NECTIN2: variants seen among roughly 807,000 people sequenced by gnomAD.
The protein encoded by NECTIN2 is nectin-2.
NECTIN2 carries 23 observed loss-of-function variants against 56.9 expected under a neutral mutation model. The observed-to-expected ratio is 0.40, with a 90% CI of 0.29 to 0.57. NECTIN2 has a LOEUF of 0.57. Ranked by LOEUF, NECTIN2 falls within the 20% of genes least tolerant of loss-of-function variation. NECTIN2 has a pLI of 0.38. For missense variants in NECTIN2, 587 were observed against 718.3 expected, an observed-to-expected ratio of 0.82 and a Z score of 2.09; for synonymous variants, 302 against 313.8, an observed-to-expected ratio of 0.96 and a Z score of 0.40.
At chr19:44,854,200 A>C (rs1367388291) in intron 1 of NECTIN2, among the ~76,000 whole-genome samples, 1 of 151,902 alleles carries the variant, frequency 6.6e-6, no homozygotes, top group African/African-American at 2.4e-5. Flanking sequence ...CCACCTCCTG[A>C]GTTCAAGCGA....
In NECTIN2 at chr19:44,869,456, G is replaced by A. The variant is rs1969144632; in HGVS notation, c.479-2397G>A. ...AAATACAAAAAAATTAGCCGGGCGT[G>A]GTGGCGGGTGCCTGTAGTCCCAGCT... On this transcript the variant is annotated intron_variant, in intron 2 of 8. Coordinates refer to ENST00000252483, the MANE Select transcript of NECTIN2 (RefSeq NM_001042724.2). Among the ~76,000 whole-genome samples the A allele has an allele frequency of 2.0e-5, 3 of 151,922 alleles. No individual in the cohort carries two copies. The South Asian group carries it at 6.2e-4, about 32-fold the overall frequency.
In NECTIN2 at chr19:44,865,629, C is replaced by A. The variant is rs1467781481; in HGVS notation, c.447C>A (p.Ser149=). The change falls in exon 2 of 9, where the codon TCC becomes TCA. Residue 149 remains serine, a synonymous_variant. Transcript: ENST00000252483. This position sits in a 1 kb window ranked among gnomAD's most constrained non-coding sequence, Gnocchi z 5.2. ...AGTTTGCCACCTTCCCCAAGGGGTC[C>A]GTCCGAGGGATGACCTGGCTCAGAG... ...TCEFATFPKG[S]VRGMTWLRVI... 1 of 1,536,058 alleles carries A rather than the reference C, an allele frequency of 6.5e-7. No individual in the cohort carries two copies.
At chr19:44,869,368 G>A (rs377699235) in intron 2 of NECTIN2, among the ~76,000 whole-genome samples, 16 of 151,986 alleles carry the variant, frequency 1.1e-4, no homozygotes, top group African/African-American at 2.4e-4. Context: ...CGAGGCAGGC[G>A]GATCACGAGG....
intron 6 of NECTIN2, among the ~76,000 whole-genome samples, chr19:44,884,223 A>G (rs907562036): frequency 6.6e-6 from 1 of 152,146 alleles, no homozygotes; most frequent in African/African-American, 2.4e-5. Flanking sequence ...GTTCAGTGGT[A>G]TAATCTGAGC....
chr19:44,857,586 G>C (rs1968980336), intron 1 of NECTIN2, among the ~76,000 whole-genome samples: 1 of 152,070 alleles, frequency 6.6e-6, no homozygotes, highest in Non-Finnish European at 1.5e-5. Flanking sequence ...TTTTTTAGTA[G>C]AGATGGGATT....
At chr19:44,860,965 A>T (rs1238125530) in intron 1 of NECTIN2, among the ~76,000 whole-genome samples, 2 of 152,104 alleles carry the variant, frequency 1.3e-5, no homozygotes, top group Non-Finnish European at 2.9e-5. Flanking sequence ...TAAAAAAAAA[A>T]AAAACTACGT....
At chr19:44,877,720 C>A (rs537383195) in intron 5 of NECTIN2, among the ~76,000 whole-genome samples, 3 of 152,320 alleles carry the variant, frequency 2.0e-5, no homozygotes, top group African/African-American at 7.2e-5. Flanking sequence ...GAGGACCCCA[C>A]AGCACATTCA....
At chr19:44,847,125 G>C (rs890971523) in intron 1 of NECTIN2, among the ~76,000 whole-genome samples, 6 of 152,128 alleles carry the variant, frequency 3.9e-5, no homozygotes, top group Non-Finnish European at 7.4e-5. Flanking sequence ...AGAGAACTGA[G>C]GACAAGCGGA....
In NECTIN2 at chr19:44,862,466, TAA is replaced by T. The variant is rs60608124; in HGVS notation, c.89-2794_89-2793del. Among the ~76,000 whole-genome samples, 745 of 97,142 alleles carry T rather than the reference TAA, an allele frequency of 7.7e-3. 3 individuals are homozygous for T. Among genetic ancestry groups the T allele is most frequent in the African/African-American group, 0.024 (704 of 28,918 alleles). The allele number at this position is 97,142 out of a possible 152,430, so 63.7% of individuals were successfully genotyped here. ...AACCTGCACATGTATCCTGGAACAA[TAA>T]AAAAAAAAAAGAAAGAAAATGTGGT... On this transcript the variant is annotated intron_variant, in intron 1 of 8. Transcript: ENST00000252483.
At chr19:44,886,301 G>A in intron 8 of NECTIN2, 82 bp downstream of exon 8, 1 of 1,151,972 alleles carries the variant, frequency 8.7e-7, no homozygotes, top group South Asian at 1.3e-5. Flanking sequence ...AGAGGTCAAA[G>A]ACTAAAGGTC....
rs948313092 is a variant in NECTIN2, at chr19:44,860,753, T to C, written c.89-4518T>C. ...CTGGGTTCAAGTGAACACGTCCGGC[T>C]AATTTTTATATTTTTAGTAGAGACA... On this transcript the variant is annotated intron_variant, in intron 1 of 8. Coordinates refer to ENST00000252483, the MANE Select transcript of NECTIN2 (RefSeq NM_001042724.2). Among the ~76,000 whole-genome samples, 10 of 151,880 alleles carry C rather than the reference T, an allele frequency of 6.6e-5. 1 individual carries two copies. The highest frequency in any genetic ancestry group is 6.6e-4 in the Admixed American group (10 of 15,208).
Position 44,888,146 on chromosome 19 carries a change from G to A in NECTIN2, c.1384G>A (p.Glu462Lys), listed in dbSNP as rs1599930523. The A allele has an allele frequency of 6.2e-7, 1 of 1,613,678 alleles. No homozygotes were observed. Among genetic ancestry groups the A allele is most frequent in the African/African-American group, 1.3e-5 (1 of 75,026 alleles). The change falls in exon 9 of 9, where the codon GAA becomes AAA. Residue 462 changes from glutamate (E) to lysine (K), a missense_variant. Glu to Lys is a moderately conservative substitution (Grantham distance 56). Coordinates refer to ENST00000252483, the MANE Select transcript of NECTIN2 (RefSeq NM_001042724.2). Reference sequence around the variant, plus strand: ...ATACCATGAGCTGCCCACCTTGGAAGAACGGTCAGGACCCTTGCACCCTGG... The same window carrying A: ...ATACCATGAGCTGCCCACCTTGGAAAAACGGTCAGGACCCTTGCACCCTGG... ...PRYHELPTLE[E>K]RSGPLHPGAT...
At chr19:44,883,095 G>T (rs963944520) in intron 6 of NECTIN2, among the ~76,000 whole-genome samples, 2 of 152,102 alleles carry the variant, frequency 1.3e-5, no homozygotes, top group Non-Finnish European at 2.9e-5. Context: ...GTTAATAAAA[G>T]AAGAAAGGGC....
chr19:44,858,363 G>A (rs764098927), intron 1 of NECTIN2, among the ~76,000 whole-genome samples: 1 of 151,808 alleles, frequency 6.6e-6, no homozygotes, highest in Non-Finnish European at 1.5e-5. Context: ...TTCTTTTAAG[G>A]TAGGCAGGGC....
At chr19:44,862,475 A>AAAGAAAG (rs56283909) in intron 1 of NECTIN2, among the ~76,000 whole-genome samples, 2 of 149,882 alleles carry the variant, frequency 1.3e-5, no homozygotes, top group African/African-American at 4.9e-5. Context: ...ATAAAAAAAA[A>AAAGAAAG]AAAGAAAGAA....
In NECTIN2 at chr19:44,874,761, A is replaced by C; in HGVS notation, c.1042+283A>C. The C allele has an allele frequency of 2.7e-6, 1 of 364,894 alleles. No individual in the cohort carries two copies. Among genetic ancestry groups the C allele is most frequent in the Non-Finnish European group, 5.2e-6 (1 of 192,454 alleles). The allele number at this position is 364,894 out of a possible 1,614,324, so 22.6% of individuals were successfully genotyped here. On this transcript the variant is annotated intron_variant, in intron 5 of 8. Transcript: ENST00000252483. The surrounding 1 kb of genome is among the most constrained non-coding windows in gnomAD (Gnocchi z 6.3). ...GCCTGGGTAGGGTCCTCACGAATAG[A>C]CCCGAGGAAGCTGCCCTGGGCTCCA...
rs1032918186 is a variant in NECTIN2, at chr19:44,874,755, G to A, written c.1042+277G>A. ...GTAGAGGCCTGGGTAGGGTCCTCAC[G>A]AATAGACCCGAGGAAGCTGCCCTGG... On this transcript the variant is annotated intron_variant, in intron 5 of 8. Coordinates refer to ENST00000252483, the MANE Select transcript of NECTIN2 (RefSeq NM_001042724.2). This position sits in a 1 kb window ranked among gnomAD's most constrained non-coding sequence, Gnocchi z 6.3. 8 of 400,308 alleles carry A rather than the reference G, an allele frequency of 2.0e-5. No homozygotes were observed. Among genetic ancestry groups the A allele is most frequent in the South Asian group, 9.0e-5 (3 of 33,324 alleles). 24.8% of individuals were successfully genotyped at this position (400,308 alleles called of 1,614,324 possible). A position where few individuals can be genotyped will look rare whatever the true frequency, so the allele number is the denominator to read the frequency against.
At chr19:44,883,828 A>G (rs777939743) in intron 6 of NECTIN2, among the ~76,000 whole-genome samples, 4 of 152,100 alleles carry the variant, frequency 2.6e-5, no homozygotes, top group Non-Finnish European at 5.9e-5. Flanking sequence ...CTGTATCTTA[A>G]AAAATAAAAG....
intron 6 of NECTIN2, among the ~76,000 whole-genome samples, chr19:44,883,627 G>T (rs947702996): frequency 6.6e-6 from 1 of 152,114 alleles, no homozygotes; most frequent in African/African-American, 2.4e-5. Context: ...TTCGAGACCA[G>T]ACTGAACATC....
Sources: allele counts gnomAD v4.1 joint callset (sites outside exome capture counted in the v4.1 genomes callset), GRCh38; gene constraint gnomAD v4.1.1; non-coding constraint Gnocchi (gnomAD v3.1); transcripts MANE v1.5; gene names NCBI Gene and HGNC (gene_info 2026-07-23, HGNC 2026-07-21).